Variants in ARL13A observed in about 807,000 individuals in gnomAD.
The protein encoded by ARL13A is ADP-ribosylation factor-like protein 13A.
In ARL13A, 16 loss-of-function variants were observed where a neutral mutation model predicts 19.1. The ratio of observed to expected loss-of-function variants is 0.84; its 90% CI spans 0.57 to 1.27. ARL13A has a LOEUF of 1.27. Ranked by LOEUF, ARL13A falls within the 50% of genes most tolerant of loss-of-function variation. The pLI, the probability that ARL13A is intolerant of heterozygous loss-of-function variation, is 0.00. For synonymous variants in ARL13A, 69 were observed against 71.3 expected, an observed-to-expected ratio of 0.97 and a Z score of 0.17; for missense variants, 153 against 186.4, an observed-to-expected ratio of 0.82 and a Z score of 1.04.
chrX:100,982,597 C>G (rs2085876671), intron 3 of ARL13A, among the ~76,000 whole-genome samples: 1 of 109,100 alleles, frequency 9.2e-6, no homozygotes, highest in Non-Finnish European at 1.9e-5. Flanking sequence ...ACTGACGGGA[C>G]CTGGAGATTC....
intron 1 of ARL13A, among the ~76,000 whole-genome samples, chrX:100,970,186 G>C (rs1318944254): frequency 8.9e-6 from 1 of 112,612 alleles, no homozygotes; most frequent in Non-Finnish European, 1.9e-5. Flanking sequence ...GGTCATATCA[G>C]CTTCATGTGC....
intron 3 of ARL13A, among the ~76,000 whole-genome samples, chrX:100,984,900 G>C (rs1011782020): frequency 8.9e-6 from 1 of 112,140 alleles, no homozygotes; most frequent in Non-Finnish European, 1.9e-5. Flanking sequence ...TTGGCATCAT[G>C]AATGTAATGG....
Position 100,990,675 on chromosome X carries a change from G to C in ARL13A, c.*87G>C. 1.0e-6 allele frequency: 1 copy of C among 959,868 alleles called. No individual in the cohort carries two copies. Among genetic ancestry groups the C allele is most frequent in the Non-Finnish European group, 1.5e-6 (1 of 688,779 alleles). 79.1% of individuals were successfully genotyped at this position (959,868 alleles called of 1,213,427 possible). On this transcript the variant is annotated 3_prime_UTR_variant, in exon 8 of 8. Transcript: ENST00000450049. Reference sequence around the variant, plus strand: ...CAGAGACTTTACATCTTTGTACCGAGATGCTGCTGACAAAGCTTGTGGACA... The same window carrying C: ...CAGAGACTTTACATCTTTGTACCGACATGCTGCTGACAAAGCTTGTGGACA...
intron 3 of ARL13A, among the ~76,000 whole-genome samples, chrX:100,984,272 C>T (rs2085905533): frequency 1.8e-5 from 2 of 109,858 alleles, no homozygotes; most frequent in Admixed American, 9.6e-5. Flanking sequence ...TGCCACCGCA[C>T]CCGGCTAAGT....
chrX:100,973,372 T>G, intron 1 of ARL13A, among the ~76,000 whole-genome samples: 1 of 98,867 alleles, frequency 1.0e-5, no homozygotes, highest in Non-Finnish European at 2.1e-5. Flanking sequence ...CGGCTGCTCC[T>G]TGCCCTCGGG....
intron 3 of ARL13A, among the ~76,000 whole-genome samples, chrX:100,981,151 C>T (rs1295953864): frequency 9.0e-6 from 1 of 111,486 alleles, no homozygotes; most frequent in Non-Finnish European, 1.9e-5. Flanking sequence ...GTCCAGGAAC[C>T]GCAGTCCTTG....
chrX:100,981,246 A>G (rs1235493897), intron 3 of ARL13A, among the ~76,000 whole-genome samples: 1 of 112,088 alleles, frequency 8.9e-6, no homozygotes, highest in African/African-American at 3.2e-5. Context: ...TCAGGTTCCA[A>G]CTGTTGGAAT....
intron 3 of ARL13A, among the ~76,000 whole-genome samples, chrX:100,981,816 G>T (rs2085860715): frequency 9.5e-6 from 1 of 105,145 alleles, no homozygotes. Flanking sequence ...CTCAAAAAAA[G>T]AAAAAAATAC....
chrX:100,982,151 G>A (rs1166393722), intron 3 of ARL13A, among the ~76,000 whole-genome samples: 1 of 110,829 alleles, frequency 9.0e-6, no homozygotes, highest in East Asian at 2.9e-4. Flanking sequence ...AAATCATGAT[G>A]CTTCAGCCCC....
intron 3 of ARL13A, 140 bp downstream of exon 3, chrX:100,974,337 GCA>G (rs1348054286): frequency 3.9e-5 from 17 of 432,454 alleles, no homozygotes; most frequent in Non-Finnish European, 4.9e-5. Context: ...TAACACACAC[GCA>G]CACACACACA....
In ARL13A at chrX:100,974,037, C is replaced by A. The variant is rs987598800; in HGVS notation, c.60-90C>A. The A allele has an allele frequency of 2.5e-5, 19 of 758,036 alleles. No homozygotes were observed. The Middle Eastern group carries it at 8.8e-4, about 35-fold the overall frequency. The allele number at this position is 758,036 out of a possible 1,213,427, so 62.5% of individuals were successfully genotyped here. ...GCATTGAGATTACTGCAGGCAGAGT[C>A]CCAAACAATAAGGAAGAGTATAACT... On this transcript the variant is annotated intron_variant, in intron 2 of 7. Transcript: ENST00000450049.
chrX:100,973,984 T>A (rs2085721256), intron 2 of ARL13A, 143 bp from the exon 3 acceptor site: 1 of 558,231 alleles, frequency 1.8e-6, no homozygotes, highest in African/African-American at 2.3e-5. Context: ...CACCTTCTAC[T>A]GCTTTGGCTG....
At chrX:100,975,160 CTA>C (rs1373027664) in intron 3 of ARL13A, among the ~76,000 whole-genome samples, 1 of 112,090 alleles carries the variant, frequency 8.9e-6, no homozygotes, top group Non-Finnish European at 1.9e-5. Flanking sequence ...ACAAAGCCCT[CTA>C]TGAGTTGGTC....
At chrX:100,974,224 G>T (rs1455177710) in intron 3 of ARL13A, 27 bp downstream of exon 3, 2 of 1,093,669 alleles carry the variant, frequency 1.8e-6, no homozygotes, top group Non-Finnish European at 2.5e-6. Context: ...ATTAGATACT[G>T]GCGTGGGTCT....
intron 1 of ARL13A, among the ~76,000 whole-genome samples, chrX:100,971,718 C>CTTTTTTTTTTT (rs777239339): frequency 6.9e-5 from 1 of 14,577 alleles, no homozygotes; most frequent in Non-Finnish European, 1.0e-4. Context: ...CTTTCATTTT[C>CTTTTTTTTTTT]TTTTTTTTTT....
intron 3 of ARL13A, among the ~76,000 whole-genome samples, chrX:100,975,443 T>A (rs1018810810): frequency 8.1e-5 from 9 of 111,422 alleles, no homozygotes; most frequent in African/African-American, 2.6e-4. Context: ...TACAACATCA[T>A]CAGGCAATTG....
At chrX:100,973,215 T>G (rs1465016365) in intron 1 of ARL13A, among the ~76,000 whole-genome samples, 1 of 45,988 alleles carries the variant, frequency 2.2e-5, no homozygotes, top group African/African-American at 8.9e-5. Context: ...GTGGAGACGC[T>G]CCTCACTTTC....
At chrX:100,975,721 C>T (rs1207357514) in intron 3 of ARL13A, among the ~76,000 whole-genome samples, 1 of 109,024 alleles carries the variant, frequency 9.2e-6, no homozygotes, top group Admixed American at 9.9e-5. Context: ...CAACCTCCAC[C>T]TCCCAGGTTC....
At chrX:100,970,780 T>A (rs1404575242) in intron 1 of ARL13A, among the ~76,000 whole-genome samples, 1 of 110,551 alleles carries the variant, frequency 9.0e-6, no homozygotes, top group Non-Finnish European at 1.9e-5. Flanking sequence ...CCATAATTAG[T>A]CATTAGGAAA....
Sources: allele counts gnomAD v4.1 joint callset (sites outside exome capture counted in the v4.1 genomes callset), GRCh38; gene constraint gnomAD v4.1.1; transcripts MANE v1.5; gene names NCBI Gene and HGNC (gene_info 2026-07-23, HGNC 2026-07-21).